PDE6H: variants seen among roughly 807,000 people sequenced by gnomAD.
The protein encoded by PDE6H is retinal cone rhodopsin-sensitive cGMP 3',5'-cyclic phosphodiesterase subunit gamma.
PDE6H carries 11 observed loss-of-function variants against 9.2 expected under a neutral mutation model. That is an observed-to-expected ratio of 1.19 (90% confidence interval 0.75 to 1.97). PDE6H has a LOEUF of 1.97. Among genes scored for constraint, PDE6H ranks in the 30% most tolerant of loss-of-function variants. The pLI, the probability that PDE6H is intolerant of heterozygous loss-of-function variation, is 0.00. For synonymous variants in PDE6H, 36 were observed against 33.6 expected, an observed-to-expected ratio of 1.07 and a Z score of -0.25; for missense variants, 98 against 101.5, an observed-to-expected ratio of 0.97 and a Z score of 0.15.
intron 1 of PDE6H, among the ~76,000 whole-genome samples, chr12:14,974,406 G>A (rs994589195): frequency 8.5e-5 from 13 of 152,176 alleles, no homozygotes; most frequent in Non-Finnish European, 1.8e-4. Flanking sequence ...TTAGTCGACT[G>A]TTCCGGTTAC....
intron 3 of PDE6H, 93 bp from the exon 4 acceptor site, chr12:14,981,307 G>A: frequency 2.4e-6 from 2 of 825,946 alleles, no homozygotes; most frequent in Admixed American, 1.7e-5. Flanking sequence ...GCAGGAGAGA[G>A]GAGTGAAGTG....
chr12:14,978,467 C>A (rs1397098455), intron 2 of PDE6H, among the ~76,000 whole-genome samples: 1 of 152,230 alleles, frequency 6.6e-6, no homozygotes, highest in East Asian at 1.9e-4. Flanking sequence ...TAACACTGAA[C>A]CACTGACCAT....
intron 2 of PDE6H, among the ~76,000 whole-genome samples, chr12:14,978,632 A>G (rs980077311): frequency 6.6e-6 from 1 of 152,106 alleles, no homozygotes; most frequent in Non-Finnish European, 1.5e-5. Context: ...TCTTTAACAA[A>G]CTATCATTAC....
chr12:14,978,123 A>G lies in PDE6H; in HGVS notation c.111A>G (p.Lys37=), dbSNP rs757889619. The G allele has an allele frequency of 1.9e-6, 3 of 1,613,800 alleles. No individual in the cohort carries two copies. In the East Asian group the frequency reaches 6.7e-5, roughly 36 times the overall value. ...KQRQTRQFKS[K]PPKKGVKGFG... is the part of the protein sequence containing the mutation. Reference sequence around the variant, plus strand: ...GGCAGACTCGCCAATTCAAGAGTAAACCTCCAAAGAAAGGTGTGAAAGGGT... The same window carrying G: ...GGCAGACTCGCCAATTCAAGAGTAAGCCTCCAAAGAAAGGTGTGAAAGGGT... The change falls in exon 2 of 4, where the codon AAA becomes AAG. Residue 37 remains lysine, a synonymous_variant. Transcript: ENST00000266395.
intron 1 of PDE6H, among the ~76,000 whole-genome samples, chr12:14,975,721 T>A (rs975782369): frequency 6.6e-6 from 1 of 151,898 alleles, no homozygotes; most frequent in Non-Finnish European, 1.5e-5. Flanking sequence ...TCCTAAAGCC[T>A]GAAAGCTAAT....
Position 14,978,026 on chromosome 12 carries a change from C to T in PDE6H, c.14C>T (p.Thr5Ile). The T allele has an allele frequency of 6.2e-7, 1 of 1,613,450 alleles. No homozygotes were observed. The highest frequency in any genetic ancestry group is 8.5e-7 in the Non-Finnish European group (1 of 1,179,928). The part of the protein sequence containing the change: MSDN[T>I]TLPAPASNQG... Reference sequence around the variant, plus strand: ...GGGGGAGTTAAAATGAGTGACAACACTACTCTGCCTGCTCCAGCTTCAAAC... The same window carrying T: ...GGGGGAGTTAAAATGAGTGACAACATTACTCTGCCTGCTCCAGCTTCAAAC... The change falls in exon 2 of 4, where the codon ACT (threonine) becomes ATT (isoleucine). Residue 5 changes from threonine (T) to isoleucine (I), a missense_variant. Transcript: ENST00000266395.
rs528878662 is a variant in PDE6H, at chr12:14,976,279, G to A, written c.-41-1693G>A. ...AAGGAAGGAATCACAGCATGAGCAG[G>A]TGGTCCAGGGTCCTGGCCAATCTCA... On this transcript the variant is annotated intron_variant, in intron 1 of 3. Coordinates refer to ENST00000266395, the MANE Select transcript of PDE6H (RefSeq NM_006205.3). Among the ~76,000 whole-genome samples, 11 of 152,274 alleles carry A rather than the reference G, an allele frequency of 7.2e-5. No homozygotes were observed. In the East Asian group the frequency reaches 1.9e-3, roughly 27 times the overall value.
Position 14,979,219 on chromosome 12 carries a change from G to A in PDE6H, c.175G>A (p.Asp59Asn). The change falls in exon 3 of 4, where the codon GAT becomes AAT. Residue 59 changes from aspartate to asparagine, a missense_variant and splice_region_variant. Transcript: ENST00000266395. ...TCCAGGAATGGAGGGGCTAGGAACAGGTAAGCCATCCACTGATTTAAGTGA... is the reference window on the plus strand; with the variant it reads ...TCCAGGAATGGAGGGGCTAGGAACAAGTAAGCCATCCACTGATTTAAGTGA... ...DIPGMEGLGT[D>N]ITVICPWEAF... The A allele has an allele frequency of 1.2e-6, 2 of 1,604,630 alleles. No individual in the cohort carries two copies. Among genetic ancestry groups the A allele is most frequent in the Non-Finnish European group, 1.7e-6 (2 of 1,171,424 alleles).
intron 1 of PDE6H, among the ~76,000 whole-genome samples, chr12:14,976,246 AG>A (rs1864593786): frequency 6.6e-6 from 1 of 152,190 alleles, no homozygotes; most frequent in African/African-American, 2.4e-5. Flanking sequence ...CTAGTCCAGT[AG>A]GGGATAAAGG....
intron 3 of PDE6H, among the ~76,000 whole-genome samples, chr12:14,980,064 T>TTATAGTACATATAGTACA (rs1466886381): frequency 4.6e-5 from 7 of 152,218 alleles, no homozygotes; most frequent in African/African-American, 1.7e-4. Flanking sequence ...GTACCCACCA[T>TTATAGTACATATAGTACA]TATAGTACAT....
At chr12:14,977,494 C>G (rs1295280252) in intron 1 of PDE6H, among the ~76,000 whole-genome samples, 1 of 152,172 alleles carries the variant, frequency 6.6e-6, no homozygotes, top group African/African-American at 2.4e-5. Context: ...TCGTAACTGA[C>G]AGAACTGGTA....
chr12:14,981,210 A>G (rs1864677694), intron 3 of PDE6H, among the ~76,000 whole-genome samples, 190 bp from the exon 4 acceptor site: 1 of 152,222 alleles, frequency 6.6e-6, no homozygotes, highest in Non-Finnish European at 1.5e-5. Flanking sequence ...ACCAACAGAG[A>G]TGCCTGGTGC....
intron 1 of PDE6H, among the ~76,000 whole-genome samples, chr12:14,975,320 T>TA (rs558736040): frequency 1.3e-5 from 2 of 151,442 alleles, no homozygotes; most frequent in South Asian, 4.2e-4. Flanking sequence ...TATACTTTAC[T>TA]AAAAAAAATT....
chr12:14,977,130 C>T (rs187707425), intron 1 of PDE6H, among the ~76,000 whole-genome samples: 6 of 152,262 alleles, frequency 3.9e-5, no homozygotes, highest in East Asian at 1.9e-4. Flanking sequence ...GAAGCACAAA[C>T]GTATTACTTA....
Position 14,981,572 on chromosome 12 carries a change from G to A in PDE6H, c.*96G>A. 1.2e-6 allele frequency: 1 copy of A among 825,222 alleles called. No individual in the cohort carries two copies. The highest frequency in any genetic ancestry group is 2.1e-6 in the Non-Finnish European group (1 of 472,556). 51.1% of individuals were successfully genotyped at this position (825,222 alleles called of 1,614,324 possible). ...CGGAGTCTTGAAATTCAGCTGATTG[G>A]AAGTGGTTTCTTTGACTTTCAAGGT... On this transcript the variant is annotated 3_prime_UTR_variant, in exon 4 of 4. Coordinates refer to ENST00000266395, the MANE Select transcript of PDE6H (RefSeq NM_006205.3).
chr12:14,976,010 T>C lies in PDE6H; in HGVS notation c.-41-1962T>C, dbSNP rs1056825980. Among the ~76,000 whole-genome samples, 131 of 152,050 alleles carry C rather than the reference T, an allele frequency of 8.6e-4. 1 individual carries two copies. Among genetic ancestry groups the C allele is most frequent in the Admixed American group, 6.2e-3 (94 of 15,280 alleles). Reference sequence around the variant, plus strand: ...TAATCTTTTGTATTTTTAGTAGAGATGGGGTTTCACCGTGTTAGCCAGGAT... The same window carrying C: ...TAATCTTTTGTATTTTTAGTAGAGACGGGGTTTCACCGTGTTAGCCAGGAT... On this transcript the variant is annotated intron_variant, in intron 1 of 3. Transcript: ENST00000266395.
chr12:14,973,450 C>A (rs1864548655), intron 1 of PDE6H, among the ~76,000 whole-genome samples: 1 of 152,078 alleles, frequency 6.6e-6, no homozygotes, highest in East Asian at 1.9e-4. Flanking sequence ...TCTTTACTCC[C>A]AGGATGTGCC....
chr12:14,974,471 T>C (rs1864563516), intron 1 of PDE6H, among the ~76,000 whole-genome samples: 1 of 152,246 alleles, frequency 6.6e-6, no homozygotes, highest in South Asian at 2.1e-4. Context: ...GCAACTGTTA[T>C]GTAACTCTTT....
intron 2 of PDE6H, among the ~76,000 whole-genome samples, 183 bp from the exon 3 acceptor site, chr12:14,978,996 C>T (rs992194615): frequency 6.6e-6 from 1 of 152,164 alleles, no homozygotes; most frequent in African/African-American, 2.4e-5. Flanking sequence ...CAGTGGGATA[C>T]ACCAAAACCT....
Sources: gnomAD v4.1 joint callset for allele counts (sites outside exome capture counted in the v4.1 genomes callset) on GRCh38, gnomAD v4.1.1 for gene constraint, MANE v1.5 for transcripts, NCBI Gene and HGNC (gene_info 2026-07-23, HGNC 2026-07-21) for gene names.